The following DIP2C variants were observed in gnomAD, a reference collection of about 807,000 sequenced individuals.
DIP2C encodes DIP2 acetate--CoA ligase C (putative).
Under a neutral mutation model 192.4 loss-of-function variants are expected in DIP2C, and 33 were observed. That is an observed-to-expected ratio of 0.17 (90% CI 0.13 to 0.23). The LOEUF is 0.23. Among genes scored for constraint, DIP2C ranks in the 10% least tolerant of loss-of-function variants. DIP2C has a pLI of 1.00. For missense variants in DIP2C, 1,537 were observed against 2,110.1 expected (o/e 0.73, Z 5.32); for synonymous variants, 979 against 864.1 (o/e 1.13, Z -2.33).
intron 1 of DIP2C, among the ~76,000 whole-genome samples, chr10:580,949 G>A (rs985063283): frequency 6.6e-6 from 1 of 152,198 alleles, no homozygotes; most frequent in African/African-American, 2.4e-5. Flanking sequence ...GTGTCCTCAT[G>A]TTTTGGCGTT....
At chr10:487,878 T>C (rs1424342223) in intron 1 of DIP2C, among the ~76,000 whole-genome samples, 1 of 152,210 alleles carries the variant, frequency 6.6e-6, no homozygotes, top group East Asian at 1.9e-4. Context: ...GCCCAGCCGA[T>C]GCTAACTAGG....
chr10:311,046 T>A (rs1379935112), intron 31 of DIP2C, among the ~76,000 whole-genome samples: 1 of 151,270 alleles, frequency 6.6e-6, no homozygotes, highest in Non-Finnish European at 1.5e-5. Context: ...GACAATGTCA[T>A]GAAAACATAC....
rs1954545068 is a variant in DIP2C, at chr10:276,848, A to T, written c.*477T>A. On this transcript the variant is annotated 3_prime_UTR_variant, in exon 37 of 37. Coordinates refer to ENST00000280886, the MANE Select transcript of DIP2C (RefSeq NM_014974.3). ...AAACTTTCCTAAAAGGATGAGATCTAGCAATGGCTTAAATTAGTAACAGAT... is the reference window on the plus strand; with the variant it reads ...AAACTTTCCTAAAAGGATGAGATCTTGCAATGGCTTAAATTAGTAACAGAT... 1 of 157,446 alleles carries T rather than the reference A, an allele frequency of 6.4e-6. No individual in the cohort carries two copies. Among genetic ancestry groups the T allele is most frequent in the Non-Finnish European group, 1.4e-5 (1 of 70,920 alleles). The allele number at this position is 157,446 out of a possible 1,614,324, so 9.8% of individuals were successfully genotyped here.
At position 455,450 on chromosome 10, in the gene DIP2C, T is replaced by C. The variant is rs28545129; in HGVS notation, c.269-14454A>G. Reference sequence around the variant, plus strand: ...CTGCCTGAGGGGAGACCGTGAGGAGTAAATGAGATGAAAACACTCTGCAGT... The same window carrying C: ...CTGCCTGAGGGGAGACCGTGAGGAGCAAATGAGATGAAAACACTCTGCAGT... On this transcript the variant is annotated intron_variant, in intron 3 of 36. Transcript: ENST00000280886. 4.7e-4 allele frequency among the ~76,000 whole-genome samples: 35 copies of C among 74,328 alleles called. 1 individual carries two copies. Among genetic ancestry groups the C allele is most frequent in the African/African-American group, 2.2e-3 (22 of 10,044 alleles). The allele number at this position is 74,328 out of a possible 152,430, so 48.8% of individuals were successfully genotyped here. A position where few individuals can be genotyped will look rare whatever the true frequency, so the allele number is the denominator to read the frequency against.
intron 1 of DIP2C, among the ~76,000 whole-genome samples, chr10:572,015 TAATA>T (rs1849847008): frequency 6.6e-6 from 1 of 152,236 alleles, no homozygotes; most frequent in South Asian, 2.1e-4. Context: ...AGCAACATTA[TAATA>T]AAAAATCACT....
At position 357,810 on chromosome 10, in the gene DIP2C, C is replaced by T. The variant is rs1959163664; in HGVS notation, c.2904+18G>A. On this transcript the variant is annotated intron_variant, in intron 23 of 36. Coordinates refer to ENST00000280886, the MANE Select transcript of DIP2C (RefSeq NM_014974.3). The stretch of plus-strand genomic sequence containing the variant: ...AAAGTCGGGGACGGTCGGGGAGACT[C>T]AGGGACCCAGCTCCTACCTTGCGTG... The T allele has an allele frequency of 6.2e-7, 1 of 1,600,294 alleles. No individual in the cohort carries two copies. Among genetic ancestry groups the T allele is most frequent in the Non-Finnish European group, 8.6e-7 (1 of 1,169,570 alleles).
At position 579,129 on chromosome 10, in the gene DIP2C, A is replaced by C. The variant is rs528517550; in HGVS notation, c.86-92599T>G. On this transcript the variant is annotated intron_variant, in intron 1 of 36. Coordinates refer to ENST00000280886, the MANE Select transcript of DIP2C (RefSeq NM_014974.3). ...AGTGTAGGTACATAGGTACACTAACATGTGTACATGCGTAGAGCATACACC... is the reference window on the plus strand; with the variant it reads ...AGTGTAGGTACATAGGTACACTAACCTGTGTACATGCGTAGAGCATACACC... Among the ~76,000 whole-genome samples, 8 of 149,574 alleles carry C rather than the reference A, an allele frequency of 5.3e-5. No individual in the cohort carries two copies. The East Asian group carries it at 1.4e-3, about 25-fold the overall frequency.
chr10:449,926 A>C (rs1268175362), intron 3 of DIP2C, among the ~76,000 whole-genome samples: 40 of 135,950 alleles, frequency 2.9e-4, no homozygotes, highest in Non-Finnish European at 5.0e-4. Context: ...ACAACAAAAA[A>C]AAAAAAAAAA....
At chr10:392,878 T>A (rs558009845) in intron 10 of DIP2C, among the ~76,000 whole-genome samples, 16 of 98,700 alleles carry the variant, frequency 1.6e-4, no homozygotes, top group African/African-American at 4.8e-4. Flanking sequence ...CACTCAACAC[T>A]CACACACACG....
At chr10:300,251 A>G (rs1328046749) in intron 32 of DIP2C, among the ~76,000 whole-genome samples, 1 of 152,250 alleles carries the variant, frequency 6.6e-6, no homozygotes, top group East Asian at 1.9e-4. Flanking sequence ...CCAAGTGAAC[A>G]TCGGCAGACA....
chr10:394,496 C>G (rs28729968), intron 10 of DIP2C, among the ~76,000 whole-genome samples: 9,213 of 47,118 alleles, frequency 0.2, 20 homozygotes, highest in East Asian at 0.3. Context: ...GGACATTATG[C>G]CACACAGTGG....
chr10:334,494 G>A (rs1243487361), intron 29 of DIP2C, among the ~76,000 whole-genome samples: 1 of 151,846 alleles, frequency 6.6e-6, no homozygotes, highest in Non-Finnish European at 1.5e-5. Flanking sequence ...GTATACCTTT[G>A]ATGAACTCTG....
chr10:377,207 G>A (rs1332933527), intron 17 of DIP2C, among the ~76,000 whole-genome samples: 1 of 151,514 alleles, frequency 6.6e-6, no homozygotes, highest in Non-Finnish European at 1.5e-5. Context: ...ACCAAAAACG[G>A]GATCACACTA....
Position 548,202 on chromosome 10 carries a change from T to TACCCCA in DIP2C, c.86-61673_86-61672insTGGGGT, listed in dbSNP as rs1329096929. On this transcript the variant is annotated intron_variant, in intron 1 of 36. Coordinates refer to ENST00000280886, the MANE Select transcript of DIP2C (RefSeq NM_014974.3). ...CTTTTCAGTCCAATTCACACGAGTC[T>TACCCCA]GCCCCACCCCCCCCCCCACAGGAAA... 3.3e-4 allele frequency among the ~76,000 whole-genome samples: 19 copies of TACCCCA among 58,294 alleles called. 1 individual carries two copies. The highest frequency in any genetic ancestry group is 1.0e-3 in the African/African-American group (19 of 18,166). 38.2% of individuals were successfully genotyped at this position (58,294 alleles called of 152,430 possible).
intron 1 of DIP2C, among the ~76,000 whole-genome samples, chr10:546,394 C>A (rs1287586016): frequency 1.3e-5 from 2 of 151,954 alleles, no homozygotes; most frequent in Non-Finnish European, 2.9e-5. Flanking sequence ...AGTGTGGCAA[C>A]AGTTTGTGCT....
chr10:278,287 C>T (rs1464326395), intron 36 of DIP2C, among the ~76,000 whole-genome samples: 1 of 152,246 alleles, frequency 6.6e-6, no homozygotes, highest in Non-Finnish European at 1.5e-5. Flanking sequence ...GCCTGCTCCT[C>T]TGTCTGTGCA....
intron 18 of DIP2C, among the ~76,000 whole-genome samples, chr10:368,900 C>T (rs968120723): frequency 2.6e-5 from 4 of 152,226 alleles, no homozygotes; most frequent in East Asian, 3.9e-4. Context: ...GAGCGCCAAG[C>T]GTGTGCACCC....
intron 1 of DIP2C, among the ~76,000 whole-genome samples, chr10:615,901 A>G (rs1853440335): frequency 6.6e-6 from 1 of 152,236 alleles, no homozygotes; most frequent in African/African-American, 2.4e-5. Flanking sequence ...GTCTTACTCT[A>G]GCCTGATTCC....
intron 1 of DIP2C, among the ~76,000 whole-genome samples, chr10:639,136 G>A (rs995331164): frequency 2.7e-5 from 4 of 150,818 alleles, no homozygotes; most frequent in Non-Finnish European, 5.9e-5. Context: ...GTCCACACAT[G>A]GGGACGCGTC....
Sources: gnomAD v4.1 joint callset for allele counts (sites outside exome capture counted in the v4.1 genomes callset) on GRCh38, gnomAD v4.1.1 for gene constraint, MANE v1.5 for transcripts, NCBI Gene and HGNC (gene_info 2026-07-23, HGNC 2026-07-21) for gene names.